Variants in KBTBD3 observed in about 807,000 individuals in gnomAD.
KBTBD3 encodes kelch repeat and BTB domain-containing protein 3.
Under a neutral mutation model 49.6 loss-of-function variants are expected in KBTBD3, and 38 were observed. The observed-to-expected ratio is 0.77, with a 90% CI of 0.59 to 1.00. The LOEUF (loss-of-function observed/expected upper bound fraction) is 1.00, where lower values mean the gene tolerates loss of function less well. Ranked by LOEUF, KBTBD3 falls within the 50% of genes least tolerant of loss-of-function variation. The probability of loss-of-function intolerance (pLI) is 0.00; values close to 1 mark genes in which losing one functional copy is unlikely to be tolerated. For missense variants in KBTBD3, 661 were observed against 712.0 expected (o/e 0.93, Z 0.81); for synonymous variants, 214 against 250.4 (o/e 0.85, Z 1.37).
In KBTBD3 at chr11:106,052,804, A is replaced by T; in HGVS notation, c.*46T>A. 1 of 1,489,400 alleles carries T rather than the reference A, an allele frequency of 6.7e-7. No homozygotes were observed. Among genetic ancestry groups the T allele is most frequent in the Non-Finnish European group, 9.1e-7 (1 of 1,099,814 alleles). The allele number at this position is 1,489,400 out of a possible 1,614,324, so 92.3% of individuals were successfully genotyped here. On this transcript the variant is annotated 3_prime_UTR_variant, in exon 4 of 4. Coordinates refer to ENST00000531837, the MANE Select transcript of KBTBD3 (RefSeq NM_198439.3). ...GATCTTTTTACCTATCATTTTGGTT[A>T]ACAAATTTACTTTAGGTTACTAGAA...
In KBTBD3 at chr11:106,071,815, C is replaced by T. The variant is rs940163490; in HGVS notation, c.-13+4692G>A. On this transcript the variant is annotated intron_variant, in intron 2 of 3. Coordinates refer to ENST00000531837, the MANE Select transcript of KBTBD3 (RefSeq NM_198439.3). ...TTCCTCATCTGCAAAGTGGACACAC[C>T]TATGACACTGGACTGTTGTGAGACT... Among the ~76,000 whole-genome samples, 3 of 152,066 alleles carry T rather than the reference C, an allele frequency of 2.0e-5. No homozygotes were observed. The South Asian group carries it at 6.2e-4, about 32-fold the overall frequency.
intron 2 of KBTBD3, among the ~76,000 whole-genome samples, chr11:106,071,461 AAC>A (rs1314908532): frequency 1.3e-5 from 2 of 152,158 alleles, no homozygotes; most frequent in East Asian, 3.8e-4. Context: ...ACATGATGTA[AAC>A]ACAAAGTTAT....
chr11:106,053,726 C>A lies in KBTBD3; in HGVS notation c.963G>T (p.Trp321Cys). The A allele has an allele frequency of 6.2e-7, 1 of 1,613,598 alleles. No individual in the cohort carries two copies. The highest frequency in any genetic ancestry group is 8.5e-7 in the Non-Finnish European group (1 of 1,179,884). ...TCAGGTGTGATTGCGGCAGTATTTT[C>A]CATGAATCAGATTTAATGTTATAGC... ...TFCYNIKSDS[W>C]KILPQSHLID... The change falls in exon 4 of 4, where the codon TGG (tryptophan) becomes TGT (cysteine). Residue 321 changes from tryptophan to cysteine, a missense_variant. Trp to Cys is a radical substitution (Grantham distance 215). Transcript: ENST00000531837.
At chr11:106,064,734 C>T (rs1860772323) in intron 2 of KBTBD3, among the ~76,000 whole-genome samples, 1 of 152,048 alleles carries the variant, frequency 6.6e-6, no homozygotes, top group Admixed American at 6.6e-5. Context: ...TACTCCTGGT[C>T]TCATTCTCCA....
chr11:106,077,141 C>T (rs976728257), intron 1 of KBTBD3, among the ~76,000 whole-genome samples, 171 bp downstream of exon 1: 3 of 152,144 alleles, frequency 2.0e-5, no homozygotes, highest in East Asian at 1.9e-4. Flanking sequence ...TGCACAACTG[C>T]AGGGGGCACC....
intron 2 of KBTBD3, among the ~76,000 whole-genome samples, chr11:106,062,578 T>A (rs144814965): frequency 1.3e-5 from 2 of 152,324 alleles, no homozygotes; most frequent in Admixed American, 1.3e-4. Flanking sequence ...CCAACTCAAA[T>A]AGGCAGGATA....
At chr11:106,060,379 G>T (rs1860663805) in intron 2 of KBTBD3, among the ~76,000 whole-genome samples, 1 of 151,902 alleles carries the variant, frequency 6.6e-6, no homozygotes. Flanking sequence ...GGGTTACATT[G>T]TTTTATATTT....
At chr11:106,061,270 C>T (rs962530231) in intron 2 of KBTBD3, among the ~76,000 whole-genome samples, 2 of 152,214 alleles carry the variant, frequency 1.3e-5, no homozygotes, top group African/African-American at 4.8e-5. Flanking sequence ...TCAATTAAGG[C>T]TCCATTCCAG....
intron 2 of KBTBD3, among the ~76,000 whole-genome samples, chr11:106,069,025 G>A (rs926283628): frequency 2.0e-5 from 3 of 152,002 alleles, no homozygotes; most frequent in African/African-American, 7.2e-5. Context: ...AAACTCTTAG[G>A]AAAAGAGAAA....
Position 106,053,314 on chromosome 11 carries a change from G to T in KBTBD3, c.1375C>A (p.Leu459Ile), listed in dbSNP as rs763013039. Residue 459 changes from leucine to isoleucine, a missense_variant, in exon 4 of 4, where the codon CTT (leucine) becomes ATT (isoleucine). Physicochemically the swap from Leu to Ile is conservative, Grantham distance 5 (BLOSUM62 2). Coordinates refer to ENST00000531837, the MANE Select transcript of KBTBD3 (RefSeq NM_198439.3). Reference sequence around the variant, plus strand: ...TCTGTAATCTCTACCTCTGATCCAAGAACATAAATTACATTTTGGCATGTG... The same window carrying T: ...TCTGTAATCTCTACCTCTGATCCAATAACATAAATTACATTTTGGCATGTG... ...ASTCQNVIYV[L>I]GSEVEITDAF... 1 of 1,613,250 alleles carries T rather than the reference G, an allele frequency of 6.2e-7. No homozygotes were observed. Among genetic ancestry groups the T allele is most frequent in the Admixed American group, 1.7e-5 (1 of 59,916 alleles).
chr11:106,052,613 A>T lies in KBTBD3; in HGVS notation c.*237T>A. 1 of 410,474 alleles carries T rather than the reference A, an allele frequency of 2.4e-6. No individual in the cohort carries two copies. The highest frequency in any genetic ancestry group is 4.3e-5 in the East Asian group (1 of 23,126). 25.4% of individuals were successfully genotyped at this position (410,474 alleles called of 1,614,324 possible). Reference sequence around the variant, plus strand: ...GTCAGAGTCTATGATTTGTAGTTTCATGTGAAAATACTAAGTATTCTGGAT... The same window carrying T: ...GTCAGAGTCTATGATTTGTAGTTTCTTGTGAAAATACTAAGTATTCTGGAT... On this transcript the variant is annotated 3_prime_UTR_variant, in exon 4 of 4. Coordinates refer to ENST00000531837, the MANE Select transcript of KBTBD3 (RefSeq NM_198439.3).
chr11:106,076,809 C>G (rs1452080205), intron 1 of KBTBD3, 102 bp from the exon 2 acceptor site: 1 of 152,268 alleles, frequency 6.6e-6, no homozygotes, highest in Non-Finnish European at 1.5e-5. Context: ...GCAAGGACCT[C>G]TGTCATGATG....
intron 3 of KBTBD3, chr11:106,057,690 T>C (rs1397382921): frequency 5.3e-6 from 1 of 188,032 alleles, no homozygotes; most frequent in Non-Finnish European, 1.1e-5. Flanking sequence ...ATTCAGAAGG[T>C]TGCTTAGAAT....
At chr11:106,066,624 T>G (rs1323533039) in intron 2 of KBTBD3, among the ~76,000 whole-genome samples, 1 of 152,014 alleles carries the variant, frequency 6.6e-6, no homozygotes, top group Admixed American at 6.6e-5. Context: ...AGATCATTCT[T>G]AATAAGGATG....
In KBTBD3 at chr11:106,058,859, A is replaced by T; in HGVS notation, c.233+6T>A. ...TAAAATCTGAGGCATAGACAAGGTA[A>T]AGTACCTGAAAAAGTCACTGCATGC... On this transcript the variant is annotated splice_donor_region_variant and intron_variant, in intron 3 of 3. Coordinates refer to ENST00000531837, the MANE Select transcript of KBTBD3 (RefSeq NM_198439.3). 6.6e-7 allele frequency: 1 copy of T among 1,511,120 alleles called. No individual in the cohort carries two copies. Among genetic ancestry groups the T allele is most frequent in the Non-Finnish European group, 9.0e-7 (1 of 1,110,038 alleles). 93.6% of individuals were successfully genotyped at this position (1,511,120 alleles called of 1,614,324 possible).
chr11:106,057,757 A>G, intron 3 of KBTBD3: 1 of 297,170 alleles, frequency 3.4e-6, no homozygotes, highest in Non-Finnish European at 6.1e-6. Flanking sequence ...ACTTTTCCCT[A>G]ATATAAGGAG....
chr11:106,056,999 A>C (rs1243064468), intron 3 of KBTBD3, among the ~76,000 whole-genome samples: 2 of 152,218 alleles, frequency 1.3e-5, no homozygotes, highest in East Asian at 3.8e-4. Context: ...TGAGAGAAGA[A>C]ATAAAAAGAA....
chr11:106,059,155 G>C lies in KBTBD3; in HGVS notation c.-12-46C>G, dbSNP rs1591535020. ...CCGATGTAGTAGAGACCTAATGCAAGTTTCAGACTCCAAAATTCGCCCTCT... is the reference window on the plus strand; with the variant it reads ...CCGATGTAGTAGAGACCTAATGCAACTTTCAGACTCCAAAATTCGCCCTCT... On this transcript the variant is annotated intron_variant, in intron 2 of 3. Coordinates refer to ENST00000531837, the MANE Select transcript of KBTBD3 (RefSeq NM_198439.3). 4.5e-6 allele frequency: 5 copies of C among 1,103,014 alleles called. No individual in the cohort carries two copies. In the East Asian group the frequency reaches 1.4e-4, roughly 32 times the overall value. The allele number at this position is 1,103,014 out of a possible 1,614,324, so 68.3% of individuals were successfully genotyped here. A position where few individuals can be genotyped will look rare whatever the true frequency, so the allele number is the denominator to read the frequency against.
At position 106,054,432 on chromosome 11, in the gene KBTBD3, T is replaced by C; in HGVS notation, c.257A>G (p.Lys86Arg). The C allele has an allele frequency of 6.4e-7, 1 of 1,563,078 alleles. No homozygotes were observed. The highest frequency in any genetic ancestry group is 8.7e-7 in the Non-Finnish European group (1 of 1,152,718). ...FFRAMFEVNM[K>R]ERDDGSVTIT... is the part of the protein sequence containing the mutation. The stretch of plus-strand genomic sequence containing the variant: ...GGTAACACTTCCATCATCTCTTTCT[T>C]TCATGTTTACTTCAAACATAGCCCT... Residue 86 changes from lysine to arginine, a missense_variant, in exon 4 of 4, where the codon AAA (lysine) becomes AGA (arginine). Coordinates refer to ENST00000531837, the MANE Select transcript of KBTBD3 (RefSeq NM_198439.3).
Sources: allele counts gnomAD v4.1 joint callset (sites outside exome capture counted in the v4.1 genomes callset), GRCh38; gene constraint gnomAD v4.1.1; transcripts MANE v1.5; gene names NCBI Gene and HGNC (gene_info 2026-07-23, HGNC 2026-07-21).